The following SPOCK3 variants were observed in gnomAD, a reference collection of about 807,000 sequenced individuals.
The protein encoded by SPOCK3 is testican-3.
SPOCK3 carries 30 observed loss-of-function variants against 56.6 expected under a neutral mutation model. The observed-to-expected ratio is 0.53, with a 90% CI of 0.40 to 0.72. The LOEUF (loss-of-function observed/expected upper bound fraction) is 0.72. Among genes scored for constraint, SPOCK3 ranks in the 30% least tolerant of loss-of-function variants. The pLI, the probability that SPOCK3 is intolerant of heterozygous loss-of-function variation, is 0.00. For synonymous variants in SPOCK3, 196 were observed against 183.3 expected, an observed-to-expected ratio of 1.07 and a Z score of -0.56; for missense variants, 527 against 530.0, an observed-to-expected ratio of 0.99 and a Z score of 0.06.
rs529960888 is a variant in SPOCK3, at chr4:166,842,162, C to A, written c.589+46968G>T. 2.0e-5 allele frequency among the ~76,000 whole-genome samples: 3 copies of A among 152,278 alleles called. No individual in the cohort carries two copies. The East Asian group carries it at 5.8e-4, about 29-fold the overall frequency. On this transcript the variant is annotated intron_variant, in intron 6 of 10. Coordinates refer to ENST00000357545, the MANE Select transcript of SPOCK3 (RefSeq NM_001040159.2). ...ATAGCTCATAGAGGCAGTGCGGACC[C>A]AAAGAGTGAGCAGCAGCAAGATTTA...
chr4:166,844,477 A>C (rs1265539286), intron 6 of SPOCK3, among the ~76,000 whole-genome samples: 1 of 152,204 alleles, frequency 6.6e-6, no homozygotes, highest in Non-Finnish European at 1.5e-5. Context: ...TTAAATCAGT[A>C]AACTCTGAGT....
intron 2 of SPOCK3, among the ~76,000 whole-genome samples, chr4:167,147,801 G>A (rs1430464385): frequency 6.6e-6 from 1 of 152,048 alleles, no homozygotes; most frequent in Non-Finnish European, 1.5e-5. Context: ...ACACACCAGG[G>A]CCCGTCCGGA....
intron 2 of SPOCK3, among the ~76,000 whole-genome samples, chr4:167,113,896 C>T (rs1761119267): frequency 6.6e-6 from 1 of 152,048 alleles, no homozygotes. Flanking sequence ...TCTCTAAACC[C>T]AATAAGAAGC....
chr4:166,828,739 G>A (rs2126786786), intron 6 of SPOCK3, among the ~76,000 whole-genome samples: 1 of 152,096 alleles, frequency 6.6e-6, no homozygotes, highest in South Asian at 2.1e-4. Flanking sequence ...GAACAAAAAT[G>A]TCTACAGAAT....
chr4:167,094,997 A>G (rs978624236), intron 2 of SPOCK3, among the ~76,000 whole-genome samples: 3 of 152,130 alleles, frequency 2.0e-5, no homozygotes, highest in Admixed American at 2.0e-4. Flanking sequence ...GTTTGAAGGC[A>G]GAGAAAGACC....
chr4:166,848,984 A>G (rs1391842533), intron 6 of SPOCK3, among the ~76,000 whole-genome samples: 5 of 152,198 alleles, frequency 3.3e-5, no homozygotes, highest in Non-Finnish European at 7.3e-5. Context: ...TTTTATTCAG[A>G]AACTCAAGAA....
chr4:166,963,554 A>G (rs921572396), intron 4 of SPOCK3, among the ~76,000 whole-genome samples: 2 of 151,984 alleles, frequency 1.3e-5, no homozygotes, highest in Non-Finnish European at 2.9e-5. Context: ...AGTCTTTGGT[A>G]TTAAAATTCA....
intron 6 of SPOCK3, among the ~76,000 whole-genome samples, chr4:166,840,921 G>A (rs1747211308): frequency 6.6e-6 from 1 of 151,662 alleles, no homozygotes; most frequent in Admixed American, 6.6e-5. Context: ...TGGTACTATA[G>A]GTGCCCGCCA....
intron 4 of SPOCK3, among the ~76,000 whole-genome samples, chr4:166,939,921 G>A (rs1204493232): frequency 6.6e-6 from 1 of 152,006 alleles, no homozygotes; most frequent in African/African-American, 2.4e-5. Context: ...AAACACATAA[G>A]GCAAAAATTC....
rs1321324451 is a variant in SPOCK3 at position 167,192,703 on chromosome 4, T to C, written c.189+41282A>G. ...CATCTCAAGATGTACAGTTATTTGT[T>C]TGAAATTATTTTTTTTCGACGTAGG... is the stretch of plus-strand genomic sequence containing the variant. On this transcript the variant is annotated intron_variant, in intron 2 of 10. Coordinates refer to ENST00000357545, the MANE Select transcript of SPOCK3 (RefSeq NM_001040159.2). Among the ~76,000 whole-genome samples, 2 of 145,820 alleles carry C rather than the reference T, an allele frequency of 1.4e-5. 1 individual carries two copies. The highest frequency in any genetic ancestry group is 3.0e-5 in the Non-Finnish European group (2 of 66,834).
At chr4:166,998,864 A>G (rs1039491200) in intron 4 of SPOCK3, among the ~76,000 whole-genome samples, 2 of 151,878 alleles carry the variant, frequency 1.3e-5, no homozygotes, top group East Asian at 3.9e-4. Flanking sequence ...TCTCTTTTTT[A>G]TTTCACCCCC....
chr4:167,062,724 T>A, intron 2 of SPOCK3, 187 bp from the exon 3 acceptor site: 1 of 550,096 alleles, frequency 1.8e-6, no homozygotes. Context: ...AGAATAGTTA[T>A]CAAAAAGGAA....
Position 167,096,241 on chromosome 4 carries a change from T to C in SPOCK3, c.190-33704A>G, listed in dbSNP as rs115511081. Among the ~76,000 whole-genome samples, 1,317 of 152,012 alleles carry C rather than the reference T, an allele frequency of 8.7e-3. 16 individuals carry two copies. The highest frequency in any genetic ancestry group is 0.03 in the African/African-American group (1,241 of 41,540). On this transcript the variant is annotated intron_variant, in intron 2 of 10. Transcript: ENST00000357545. ...CAAAATCCCGCAAACTATATTTTAA[T>C]AAACTTTATTTTAAAAGCAGTTGTT...
chr4:166,929,728 A>G (rs1318348315), intron 4 of SPOCK3, among the ~76,000 whole-genome samples: 1 of 152,174 alleles, frequency 6.6e-6, no homozygotes, highest in African/African-American at 2.4e-5. Flanking sequence ...CACCTTGCTC[A>G]ACTGGAAGAT....
chr4:166,950,441 C>T (rs937132510), intron 4 of SPOCK3, among the ~76,000 whole-genome samples: 18 of 151,746 alleles, frequency 1.2e-4, no homozygotes, highest in African/African-American at 4.1e-4. Flanking sequence ...AAAGCAAGTC[C>T]TGAGTGACCT....
At chr4:166,861,250 C>G (rs1343229253) in intron 6 of SPOCK3, among the ~76,000 whole-genome samples, 1 of 152,032 alleles carries the variant, frequency 6.6e-6, no homozygotes, top group African/African-American at 2.4e-5. Flanking sequence ...AAGAGCCTGT[C>G]CTGAAGGCAA....
At chr4:167,083,393 T>C (rs1173120199) in intron 2 of SPOCK3, 4 of 747,956 alleles carry the variant, frequency 5.3e-6, no homozygotes, top group Non-Finnish European at 9.8e-6. Context: ...CAACTCTAAG[T>C]GTCCCTGTGG....
chr4:166,862,401 C>T (rs1731328033), intron 6 of SPOCK3, among the ~76,000 whole-genome samples: 2 of 152,010 alleles, frequency 1.3e-5, no homozygotes, highest in South Asian at 4.1e-4. Flanking sequence ...AGAGGGAATG[C>T]ACCTGTCAAA....
At chr4:166,856,227 G>C (rs2126889679) in intron 6 of SPOCK3, among the ~76,000 whole-genome samples, 1 of 152,040 alleles carries the variant, frequency 6.6e-6, no homozygotes, top group South Asian at 2.1e-4. Context: ...TGGCCAATGG[G>C]CACAAAGTTT....
Sources: allele counts gnomAD v4.1 joint callset (sites outside exome capture counted in the v4.1 genomes callset), GRCh38; gene constraint gnomAD v4.1.1; transcripts MANE v1.5; gene names NCBI Gene and HGNC (gene_info 2026-07-23, HGNC 2026-07-21).